The following BEAN1 variants were observed in gnomAD, a reference collection of about 807,000 sequenced individuals.
BEAN1 encodes protein BEAN1.
BEAN1 carries 17 observed loss-of-function variants against 17.7 expected under a neutral mutation model. That is an observed-to-expected ratio of 0.96 (90% confidence interval 0.66 to 1.44). The LOEUF is 1.44. Ranked by LOEUF, BEAN1 falls within the 40% of genes most tolerant of loss-of-function variation. The probability of loss-of-function intolerance (pLI) is 0.00; values close to 1 mark genes in which losing one functional copy is unlikely to be tolerated. For synonymous variants in BEAN1, 142 were observed against 151.8 expected, an observed-to-expected ratio of 0.94 and a Z score of 0.47; for missense variants, 359 against 374.1, an observed-to-expected ratio of 0.96 and a Z score of 0.33.
intron 3 of BEAN1, 101 bp from the exon 4 acceptor site, chr16:66,477,458 TG>T (rs1963793716): frequency 1.6e-6 from 2 of 1,230,610 alleles, no homozygotes; most frequent in South Asian, 1.7e-5. Flanking sequence ...AGTGGTCAGG[TG>T]GGGAATCAGA....
At chr16:66,443,074 ACT>A (rs369391491) in intron 2 of BEAN1, among the ~76,000 whole-genome samples, 7 of 152,244 alleles carry the variant, frequency 4.6e-5, no homozygotes, top group African/African-American at 1.7e-4. Flanking sequence ...CAATTGTAGC[ACT>A]CTTTCCCACT....
intron 2 of BEAN1, among the ~76,000 whole-genome samples, chr16:66,464,627 G>A (rs1011673611): frequency 6.6e-6 from 1 of 152,120 alleles, no homozygotes; most frequent in African/African-American, 2.4e-5. Flanking sequence ...ACAGGTGTGC[G>A]CCACTGTGCC....
intron 4 of BEAN1, chr16:66,478,162 G>A (rs948447411): frequency 6.5e-6 from 1 of 154,440 alleles, no homozygotes; most frequent in Admixed American, 6.5e-5. Flanking sequence ...TAACACCAGG[G>A]ACTGGGGGGT....
At chr16:66,469,563 C>T (rs996328022) in intron 2 of BEAN1, 39 bp from the exon 3 acceptor site, 10 of 1,510,826 alleles carry the variant, frequency 6.6e-6, no homozygotes, top group Non-Finnish European at 8.9e-6. Flanking sequence ...GTGTGGCAGG[C>T]CTGGGCTCCA....
chr16:66,481,038 TAGACCAAA>T lies in BEAN1; in HGVS notation c.*114_*121del. 2.2e-6 allele frequency: 2 copies of T among 904,194 alleles called. No individual in the cohort carries two copies. The highest frequency in any genetic ancestry group is 3.2e-6 in the Non-Finnish European group (2 of 622,206). 56.0% of individuals were successfully genotyped at this position (904,194 alleles called of 1,614,324 possible). The stretch of plus-strand genomic sequence containing the variant: ...GCACACGTGACTCATAACACACACA[TAGACCAAA>T]CTTGTATACACACAGACATCTACAC... On this transcript the variant is annotated 3_prime_UTR_variant, in exon 5 of 5. Coordinates refer to ENST00000536005, the MANE Select transcript of BEAN1 (RefSeq NM_001178020.3). The surrounding 1 kb of genome is among the most constrained non-coding windows in gnomAD (Gnocchi z 4.1).
exon 5 of BEAN1, chr16:66,493,436 C>T (rs1366764295): frequency 1.6e-6 from 1 of 611,560 alleles, no homozygotes; most frequent in Non-Finnish European, 2.9e-6. Flanking sequence ...CTCTCCAGTC[C>T]TCTAGGGCCC....
At chr16:66,491,242 G>A (rs984191762) in intron 4 of BEAN1, among the ~76,000 whole-genome samples, 1 of 152,224 alleles carries the variant, frequency 6.6e-6, no homozygotes, top group Admixed American at 6.5e-5. Flanking sequence ...AGTGGCCCTT[G>A]CTCTGGGTGG....
intron 2 of BEAN1, among the ~76,000 whole-genome samples, chr16:66,462,799 CAA>C (rs997784344): frequency 2.9e-5 from 4 of 136,612 alleles, no homozygotes; most frequent in African/African-American, 1.1e-4. Flanking sequence ...AAAACTGTCT[CAA>C]AAAAAAAAAA....
chr16:66,494,456 G>A (rs988630936), downstream of BEAN1, among the ~76,000 whole-genome samples: 3 of 152,132 alleles, frequency 2.0e-5, no homozygotes, highest in Admixed American at 6.5e-5. Context: ...GGTGTGCTCA[G>A]TGCCCATCAG....
Position 66,471,661 on chromosome 16 carries a change from G to GTCC in BEAN1, c.289+1796_289+1797insTCC. ...GGACAAGTGGCCACAGTTGAGGAAA[G>GTCC]ACACAGCAGGCTAGTGGACTGTTCT... is the stretch of plus-strand genomic sequence containing the variant. On this transcript the variant is annotated intron_variant, in intron 3 of 4. Coordinates refer to ENST00000536005, the MANE Select transcript of BEAN1 (RefSeq NM_001178020.3). The surrounding 1 kb of genome is among the most constrained non-coding windows in gnomAD (Gnocchi z 4.7). Among the ~76,000 whole-genome samples the GTCC allele has an allele frequency of 6.6e-6, 1 of 152,236 alleles. No homozygotes were observed. The highest frequency in any genetic ancestry group is 6.5e-5 in the Admixed American group (1 of 15,286).
At chr16:66,437,913 C>G (rs1030144252) in intron 2 of BEAN1, 153 of 675,760 alleles carry the variant, frequency 2.3e-4, no homozygotes, top group Non-Finnish European at 2.6e-5. Flanking sequence ...GCACTTTGGC[C>G]CATTCTTCTG....
rs140297396 is a variant in BEAN1, at chr16:66,451,069, C to G, written c.25+13368C>G. The G allele has an allele frequency of 5.4e-3, 830 of 153,562 alleles. 5 individuals are homozygous for G. Among genetic ancestry groups the G allele is most frequent in the Non-Finnish European group, 7.4e-3 (501 of 68,074 alleles). The allele number at this position is 153,562 out of a possible 1,614,324, so 9.5% of individuals were successfully genotyped here. ...CCAGACATATTATACTCTGTTAATA[C>G]TGTTTGACACTGAACTGCTGTAATT... is the stretch of plus-strand genomic sequence containing the variant. On this transcript the variant is annotated intron_variant, in intron 2 of 4. Transcript: ENST00000536005.
chr16:66,472,479 G>A (rs1041235573), intron 3 of BEAN1, among the ~76,000 whole-genome samples: 1 of 152,238 alleles, frequency 6.6e-6, no homozygotes, highest in Non-Finnish European at 1.5e-5. Context: ...TGAGGCGGAC[G>A]GATCATCTGA....
intron 1 of BEAN1, among the ~76,000 whole-genome samples, chr16:66,436,579 C>CTT (rs879666514): frequency 2.2e-5 from 3 of 138,526 alleles, no homozygotes; most frequent in Non-Finnish European, 3.1e-5. Context: ...CATCCAGCCC[C>CTT]TTTTTTTTTT....
At position 66,473,919 on chromosome 16, in the gene BEAN1, C is replaced by A. The variant is rs1432040446; in HGVS notation, c.290-3641C>A. 2.0e-5 allele frequency among the ~76,000 whole-genome samples: 3 copies of A among 151,956 alleles called. No homozygotes were observed. Among genetic ancestry groups the A allele is most frequent in the Admixed American group, 1.3e-4 (2 of 15,262 alleles). ...AAGTCAAGGTCCCTCAGATCCCACA[C>A]CTTGGTCCTGGTCCTCTCTCTACAC... On this transcript the variant is annotated intron_variant, in intron 3 of 4. Transcript: ENST00000536005. This position sits in a 1 kb window ranked among gnomAD's most constrained non-coding sequence, Gnocchi z 4.5.
chr16:66,460,880 G>A (rs1963056351), intron 2 of BEAN1, among the ~76,000 whole-genome samples: 1 of 152,202 alleles, frequency 6.6e-6, no homozygotes, highest in South Asian at 2.1e-4. Flanking sequence ...ACCTCTCTGA[G>A]GCTGTTTCCT....
At chr16:66,477,529 G>A (rs1567507352) in intron 3 of BEAN1, 31 bp from the exon 4 acceptor site, 1 of 1,503,804 alleles carries the variant, frequency 6.6e-7, no homozygotes, top group Non-Finnish European at 8.9e-7. Flanking sequence ...ATCCTGGTCT[G>A]AGGCCCAGGC....
chr16:66,469,248 G>C (rs1963373324), intron 2 of BEAN1, among the ~76,000 whole-genome samples: 1 of 152,218 alleles, frequency 6.6e-6, no homozygotes, highest in South Asian at 2.1e-4. Flanking sequence ...CTAGCTCTAA[G>C]AGTCTTGGAT....
intron 2 of BEAN1, among the ~76,000 whole-genome samples, chr16:66,441,516 A>G (rs1962255856): frequency 6.6e-6 from 1 of 152,178 alleles, no homozygotes; most frequent in Non-Finnish European, 1.5e-5. Context: ...TGAAGCCCCC[A>G]CAAAATGGGA....
Sources: gnomAD v4.1 joint callset for allele counts (sites outside exome capture counted in the v4.1 genomes callset) on GRCh38, gnomAD v4.1.1 for gene constraint, Gnocchi (gnomAD v3.1) non-coding constraint, MANE v1.5 for transcripts, NCBI Gene and HGNC (gene_info 2026-07-23, HGNC 2026-07-21) for gene names.